The following TRIM38 variants were observed in gnomAD, a reference collection of about 807,000 sequenced individuals.
The protein encoded by TRIM38 is tripartite motif containing 38, also known as E3 ubiquitin-protein ligase TRIM38.
Under a neutral mutation model 35.8 loss-of-function variants are expected in TRIM38, and 35 were observed. The ratio of observed to expected loss-of-function variants is 0.98; its 90% CI spans 0.75 to 1.30. The LOEUF is 1.30. Among genes scored for constraint, TRIM38 ranks in the 50% most tolerant of loss-of-function variants. The pLI is 0.00. For synonymous variants in TRIM38, 198 were observed against 204.7 expected, an observed-to-expected ratio of 0.97 and a Z score of 0.28; for missense variants, 545 against 556.9, an observed-to-expected ratio of 0.98 and a Z score of 0.21.
At chr6:25,981,405 G>A (rs997263337) in intron 7 of TRIM38, among the ~76,000 whole-genome samples, 2 of 152,252 alleles carry the variant, frequency 1.3e-5, no homozygotes, top group African/African-American at 4.8e-5. Context: ...CACAGGAAGT[G>A]TTTCTGAATA....
rs1561906506 is a variant in TRIM38 at position 25,988,480 on chromosome 6, C to CTT, written c.*4798_*4799dup. On this transcript the variant is annotated 3_prime_UTR_variant, in exon 8 of 8. Coordinates refer to ENST00000357085, the MANE Select transcript of TRIM38 (RefSeq NM_006355.5). ...GATCGTTTCTTTTCTTTTTCTTTTTCTTTTTTCTTTTCTTTCTTTTTTTTT... is the reference window on the plus strand; with the variant it reads ...GATCGTTTCTTTTCTTTTTCTTTTTCTTTTTTTTCTTTTCTTTCTTTTTTTTT... 1.4e-5 allele frequency: 1 copy of CTT among 73,858 alleles called. No homozygotes were observed. Among genetic ancestry groups the CTT allele is most frequent in the African/African-American group, 5.6e-5 (1 of 17,832 alleles). 4.6% of individuals were successfully genotyped at this position (73,858 alleles called of 1,614,324 possible).
chr6:25,972,601 C>T (rs1364949999), intron 5 of TRIM38, among the ~76,000 whole-genome samples: 2 of 152,196 alleles, frequency 1.3e-5, no homozygotes, highest in African/African-American at 4.8e-5. Context: ...TGCTTTACCA[C>T]TGTGTGATAC....
intron 3 of TRIM38, among the ~76,000 whole-genome samples, chr6:25,967,926 G>T (rs1760113872): frequency 6.6e-6 from 1 of 152,156 alleles, no homozygotes. Context: ...GCACGATTCA[G>T]GAAGAAGAGT....
At chr6:25,973,316 T>C in intron 7 of TRIM38, 31 bp downstream of exon 7, 1 of 1,605,974 alleles carries the variant, frequency 6.2e-7, no homozygotes, top group South Asian at 1.1e-5. Flanking sequence ...CTGAATACTG[T>C]GGATAGAAGG....
In TRIM38 at chr6:25,985,500, C is replaced by T. The variant is rs1261690608; in HGVS notation, c.*1813C>T. 6.6e-6 allele frequency: 1 copy of T among 152,108 alleles called. No individual in the cohort carries two copies. Among genetic ancestry groups the T allele is most frequent in the African/African-American group, 2.4e-5 (1 of 41,410 alleles). 9.4% of individuals were successfully genotyped at this position (152,108 alleles called of 1,614,324 possible). A position where few individuals can be genotyped will look rare whatever the true frequency, so the allele number is the denominator to read the frequency against. ...TACAATGCACATGCTTTGTTTCTGT[C>T]TTGTCAATCTGTCTTTTGTTAGTCT... On this transcript the variant is annotated 3_prime_UTR_variant, in exon 8 of 8. Coordinates refer to ENST00000357085, the MANE Select transcript of TRIM38 (RefSeq NM_006355.5).
At chr6:25,979,219 A>G (rs927743983) in intron 7 of TRIM38, among the ~76,000 whole-genome samples, 2 of 151,994 alleles carry the variant, frequency 1.3e-5, no homozygotes, top group Non-Finnish European at 2.9e-5. Flanking sequence ...CAGGAGTTCT[A>G]TATCTATGTC....
chr6:25,968,267 A>G (rs1200326404), intron 3 of TRIM38, among the ~76,000 whole-genome samples: 5 of 152,178 alleles, frequency 3.3e-5, no homozygotes, highest in African/African-American at 4.8e-5. Context: ...AGCAGCTAAT[A>G]ACTGCGATGA....
At chr6:25,971,815 A>G (rs1760239604) in intron 4 of TRIM38, 54 bp from the exon 5 acceptor site, 3 of 1,457,564 alleles carry the variant, frequency 2.1e-6, no homozygotes, top group African/African-American at 2.8e-5. Context: ...CCATTCATCC[A>G]TAGATGGACA....
chr6:25,974,093 A>G (rs1430425370), intron 7 of TRIM38, among the ~76,000 whole-genome samples: 1 of 152,236 alleles, frequency 6.6e-6, no homozygotes, highest in Non-Finnish European at 1.5e-5. Flanking sequence ...TTTGTGGTTC[A>G]GGAATCTGGG....
intron 3 of TRIM38, among the ~76,000 whole-genome samples, chr6:25,968,136 G>T (rs1196429012): frequency 6.6e-6 from 1 of 152,104 alleles, no homozygotes; most frequent in South Asian, 2.1e-4. Context: ...CCAGTGTCAG[G>T]CTCCTTATTC....
Position 25,988,062 on chromosome 6 carries a change from C to G in TRIM38, c.*4375C>G, listed in dbSNP as rs1205942253. On this transcript the variant is annotated 3_prime_UTR_variant, in exon 8 of 8. Transcript: ENST00000357085. Reference sequence around the variant, plus strand: ...CCAGCGCCATGTCAGTTTTTCGTTGCCATGGCAACAACAGGACATTATCGA... The same window carrying G: ...CCAGCGCCATGTCAGTTTTTCGTTGGCATGGCAACAACAGGACATTATCGA... 6.6e-6 allele frequency: 1 copy of G among 152,226 alleles called. No homozygotes were observed. Among genetic ancestry groups the G allele is most frequent in the Non-Finnish European group, 1.5e-5 (1 of 68,048 alleles). 9.4% of individuals were successfully genotyped at this position (152,226 alleles called of 1,614,324 possible).
intron 6 of TRIM38, 26 bp downstream of exon 6, chr6:25,973,102 G>A (rs539059525): frequency 6.2e-7 from 1 of 1,614,134 alleles, no homozygotes. Flanking sequence ...ATGCAGGAGG[G>A]GAGGGGTGTG....
In TRIM38 at chr6:25,985,036, T is replaced by C. The variant is rs1760673364; in HGVS notation, c.*1349T>C. The C allele has an allele frequency of 6.6e-6, 1 of 152,304 alleles. No homozygotes were observed. The highest frequency in any genetic ancestry group is 2.4e-5 in the African/African-American group (1 of 41,442). The allele number at this position is 152,304 out of a possible 1,614,324, so 9.4% of individuals were successfully genotyped here. A position where few individuals can be genotyped will look rare whatever the true frequency, so the allele number is the denominator to read the frequency against. On this transcript the variant is annotated 3_prime_UTR_variant, in exon 8 of 8. Transcript: ENST00000357085. The stretch of plus-strand genomic sequence containing the variant: ...GGGTCAGAAGTTCTAATTATGATGA[T>C]AGAGGCTGGGTTGTAAGTAGTAAGT...
chr6:25,977,391 C>T (rs577929290), intron 7 of TRIM38, among the ~76,000 whole-genome samples: 32 of 152,180 alleles, frequency 2.1e-4, no homozygotes, highest in South Asian at 1.0e-3. Flanking sequence ...AGGAGGAGGC[C>T]GGGTACAGTG....
In TRIM38 at chr6:25,969,458, A is replaced by G. The variant is rs758255628; in HGVS notation, c.507+38A>G. On this transcript the variant is annotated intron_variant, in intron 4 of 7. Transcript: ENST00000357085. ...CTTCATTGATCTCAAGCTATTTTCC[A>G]TTCTAGAGCTTAGGCATAGGGGATG... 3.9e-5 allele frequency: 60 copies of G among 1,549,844 alleles called. 1 individual carries two copies. The highest frequency in any genetic ancestry group is 5.3e-5 in the Admixed American group (3 of 56,738).
In TRIM38 at chr6:25,966,718, T is replaced by C; in HGVS notation, c.196T>C (p.Phe66Leu). Reference sequence around the variant, plus strand: ...CTGCTGTCCCCAGTGTCGGGCTCCATTTCATATGGATAGCCTCCGACCCAA... The same window carrying C: ...CTGCTGTCCCCAGTGTCGGGCTCCACTTCATATGGATAGCCTCCGACCCAA... ...TFCCPQCRAP[F>L]HMDSLRPNKQ... is the part of the protein sequence containing the mutation. The change falls in exon 3 of 8, where the codon TTT becomes CTT. Residue 66 changes from phenylalanine to leucine, a missense_variant. Coordinates refer to ENST00000357085, the MANE Select transcript of TRIM38 (RefSeq NM_006355.5). 1 of 1,614,174 alleles carries C rather than the reference T, an allele frequency of 6.2e-7. No homozygotes were observed. The highest frequency in any genetic ancestry group is 8.5e-7 in the Non-Finnish European group (1 of 1,180,036).
chr6:25,979,427 T>C (rs1174566913), intron 7 of TRIM38, among the ~76,000 whole-genome samples: 4 of 152,124 alleles, frequency 2.6e-5, no homozygotes, highest in Non-Finnish European at 4.4e-5. Context: ...CATGCTTTAT[T>C]TGTTTTTTGA....
intron 2 of TRIM38, among the ~76,000 whole-genome samples, chr6:25,965,778 C>T (rs528336900): frequency 5.9e-5 from 9 of 151,804 alleles, no homozygotes; most frequent in South Asian, 2.1e-4. Flanking sequence ...ATTAGCTGGG[C>T]GTAGTGGTGC....
intron 4 of TRIM38, among the ~76,000 whole-genome samples, chr6:25,969,729 C>T (rs1032874269): frequency 6.6e-6 from 1 of 152,016 alleles, no homozygotes; most frequent in Non-Finnish European, 1.5e-5. Context: ...ACTTTAAATA[C>T]GTCAAAATAA....
Sources: gnomAD v4.1 joint callset for allele counts (sites outside exome capture counted in the v4.1 genomes callset) on GRCh38, gnomAD v4.1.1 for gene constraint, MANE v1.5 for transcripts, NCBI Gene and HGNC (gene_info 2026-07-23, HGNC 2026-07-21) for gene names.